Variants in FARP1 observed in about 807,000 individuals in gnomAD.
The protein encoded by FARP1 is FERM, ARHGEF and pleckstrin domain-containing protein 1.
A neutral mutation model predicts 128.8 loss-of-function variants in FARP1; 52 were observed. That is an observed-to-expected ratio of 0.40 (90% confidence interval 0.32 to 0.51). FARP1 has a LOEUF of 0.51. FARP1 is among the 20% of genes least tolerant of loss of function. The pLI is 0.45. For synonymous variants in FARP1, 580 were observed against 551.8 expected, an observed-to-expected ratio of 1.05 and a Z score of -0.72; for missense variants, 1,333 against 1,367.9, an observed-to-expected ratio of 0.97 and a Z score of 0.40.
At chr13:98,326,325 T>G (rs1429918987) in intron 2 of FARP1, among the ~76,000 whole-genome samples, 1 of 152,232 alleles carries the variant, frequency 6.6e-6, no homozygotes, top group African/African-American at 2.4e-5. Flanking sequence ...AAAACCCACC[T>G]ACATAAAATT....
At chr13:98,292,428 C>G (rs1190230277) in intron 2 of FARP1, among the ~76,000 whole-genome samples, 1 of 152,152 alleles carries the variant, frequency 6.6e-6, no homozygotes, top group Non-Finnish European at 1.5e-5. Flanking sequence ...ATGTATTTGT[C>G]AAAACACTTT....
intron 25 of FARP1, 150 bp from the exon 26 acceptor site, chr13:98,446,516 C>G (rs1257556296): frequency 3.9e-6 from 3 of 774,666 alleles, no homozygotes; most frequent in Non-Finnish European, 6.3e-6. Flanking sequence ...CACGTACAGG[C>G]AAACACTGGC....
In FARP1 at chr13:98,437,756, G is replaced by A. The variant is rs1175035963; in HGVS notation, c.2275-1048G>A. On this transcript the variant is annotated intron_variant, in intron 19 of 26. Transcript: ENST00000319562. Reference sequence around the variant, plus strand: ...CGCTTTGTCTTTTTGCTTTCTCTCGGTCCCACCAGCCTGGCTCCTTTTCCC... The same window carrying A: ...CGCTTTGTCTTTTTGCTTTCTCTCGATCCCACCAGCCTGGCTCCTTTTCCC... 4 of 1,359,246 alleles carry A rather than the reference G, an allele frequency of 2.9e-6. No individual in the cohort carries two copies. The African/African-American group carries it at 5.7e-5, about 19-fold the overall frequency. 84.2% of individuals were successfully genotyped at this position (1,359,246 alleles called of 1,614,324 possible). A position where few individuals can be genotyped will look rare whatever the true frequency, so the allele number is the denominator to read the frequency against.
rs1175721832 is a variant in FARP1 at position 98,449,007 on chromosome 13, T to TTTC, written c.*692_*694dup. On this transcript the variant is annotated 3_prime_UTR_variant, in exon 27 of 27. Transcript: ENST00000319562. Reference sequence around the variant, plus strand: ...CTCTTTCCAACCGTAGCAGGGTTGTTTTCTGTTAAGCAAAGCCGAGATCCA... The same window carrying TTTC: ...CTCTTTCCAACCGTAGCAGGGTTGTTTTCTTCTGTTAAGCAAAGCCGAGATCCA... The TTTC allele has an allele frequency of 6.6e-6, 1 of 152,240 alleles. No homozygotes were observed. The highest frequency in any genetic ancestry group is 1.5e-5 in the Non-Finnish European group (1 of 68,064). 9.4% of individuals were successfully genotyped at this position (152,240 alleles called of 1,614,324 possible). A position where few individuals can be genotyped will look rare whatever the true frequency, so the allele number is the denominator to read the frequency against.
At chr13:98,420,545 C>T (rs1891555946) in intron 16 of FARP1, among the ~76,000 whole-genome samples, 1 of 152,296 alleles carries the variant, frequency 6.6e-6, no homozygotes, top group East Asian at 1.9e-4. Context: ...GCGTCCTTTG[C>T]TGAGGTGATG....
At chr13:98,330,079 A>G (rs922086603) in intron 2 of FARP1, 4 of 152,320 alleles carry the variant, frequency 2.6e-5, no homozygotes, top group African/African-American at 9.7e-5. Flanking sequence ...GAGGTGAGGG[A>G]ATTAGCCACA....
rs372356241 is a variant in FARP1 at position 98,336,893 on chromosome 13, G to A, written c.172-6869G>A. On this transcript the variant is annotated intron_variant, in intron 2 of 26. Coordinates refer to ENST00000319562, the MANE Select transcript of FARP1 (RefSeq NM_005766.4). The stretch of plus-strand genomic sequence containing the variant: ...CAAAAATTTCATTACATAGTTTCAC[G>A]AATTGCTGGTTTGTTATTCCAAAAT... Among the ~76,000 whole-genome samples, 16 of 152,298 alleles carry A rather than the reference G, an allele frequency of 1.1e-4. No homozygotes were observed. The South Asian group carries it at 1.2e-3, about 12-fold the overall frequency.
intron 2 of FARP1, among the ~76,000 whole-genome samples, chr13:98,315,325 C>T (rs774206469): frequency 7.2e-5 from 11 of 152,022 alleles, no homozygotes; most frequent in African/African-American, 2.4e-4. Flanking sequence ...CAAGCTGTCT[C>T]GAACTCCTGG....
chr13:98,346,249 G>T (rs1237081986), intron 3 of FARP1, among the ~76,000 whole-genome samples: 1 of 144,902 alleles, frequency 6.9e-6, no homozygotes, highest in Non-Finnish European at 1.5e-5. Flanking sequence ...GAGTGCAGTG[G>T]TGCGAGCTTG....
intron 2 of FARP1, among the ~76,000 whole-genome samples, chr13:98,251,573 C>A (rs1220897776): frequency 1.3e-5 from 2 of 151,502 alleles, no homozygotes; most frequent in African/African-American, 4.9e-5. Context: ...ATCCCAGCTA[C>A]TTGGGAGGCT....
chr13:98,172,123 G>C (rs1877696514), intron 1 of FARP1, among the ~76,000 whole-genome samples: 1 of 152,102 alleles, frequency 6.6e-6, no homozygotes, highest in Non-Finnish European at 1.5e-5. Context: ...GTGCTCTGCT[G>C]TTTGTTGGGC....
intron 2 of FARP1, chr13:98,244,450 G>A (rs750660547): frequency 7.1e-6 from 11 of 1,558,562 alleles, no homozygotes; most frequent in South Asian, 4.7e-5. Flanking sequence ...AACAAAAAGC[G>A]CCTTTTCAAG....
At chr13:98,325,488 G>A (rs940438503) in intron 2 of FARP1, among the ~76,000 whole-genome samples, 1 of 152,172 alleles carries the variant, frequency 6.6e-6, no homozygotes, top group Non-Finnish European at 1.5e-5. Context: ...CATCTCACCA[G>A]CACTGTTCCA....
At chr13:98,411,372 C>T (rs540234715) in intron 15 of FARP1, among the ~76,000 whole-genome samples, 2 of 152,278 alleles carry the variant, frequency 1.3e-5, no homozygotes, top group East Asian at 3.9e-4. Flanking sequence ...AGTTTCTGAT[C>T]CTCTGGGCTG....
At chr13:98,243,633 G>A (rs370226041) in intron 2 of FARP1, among the ~76,000 whole-genome samples, 3 of 146,738 alleles carry the variant, frequency 2.0e-5, no homozygotes, top group East Asian at 4.0e-4. Context: ...GGAGGCGGAG[G>A]TTGCAGTGAG....
intron 1 of FARP1, among the ~76,000 whole-genome samples, chr13:98,171,509 T>A (rs1877650918): frequency 6.6e-6 from 1 of 152,218 alleles, no homozygotes; most frequent in Non-Finnish European, 1.5e-5. Context: ...TTATCTGCTC[T>A]TGTTCCTGCT....
chr13:98,175,718 C>T lies in FARP1; in HGVS notation c.-24+32226C>T, dbSNP rs1267202763. 8 of 164,348 alleles carry T rather than the reference C, an allele frequency of 4.9e-5. No homozygotes were observed. The South Asian group carries it at 8.7e-4, about 18-fold the overall frequency. The allele number at this position is 164,348 out of a possible 1,614,324, so 10.2% of individuals were successfully genotyped here. A position where few individuals can be genotyped will look rare whatever the true frequency, so the allele number is the denominator to read the frequency against. On this transcript the variant is annotated intron_variant, in intron 1 of 26. Transcript: ENST00000319562. The stretch of plus-strand genomic sequence containing the variant: ...TTCCTAACCCCTGACAACCACCATT[C>T]GACTTTTTATGTAATTTTGACAACT...
In FARP1 at chr13:98,436,451, C is replaced by T. The variant is rs552055972; in HGVS notation, c.2274+745C>T. On this transcript the variant is annotated intron_variant, in intron 19 of 26. Coordinates refer to ENST00000319562, the MANE Select transcript of FARP1 (RefSeq NM_005766.4). ...TCTCTGGGATCTTTACCCTGTGGCG[C>T]CCCCATTTCAAATGCTACGTCACCC... Among the ~76,000 whole-genome samples the T allele has an allele frequency of 5.3e-5, 8 of 152,320 alleles. No homozygotes were observed. The South Asian group carries it at 6.2e-4, about 12-fold the overall frequency.
chr13:98,218,277 T>C (rs1209944421), intron 2 of FARP1, among the ~76,000 whole-genome samples: 1 of 152,122 alleles, frequency 6.6e-6, no homozygotes, highest in Non-Finnish European at 1.5e-5. Flanking sequence ...GCCAGCCTTC[T>C]CTCCTGACAG....
Sources: allele counts gnomAD v4.1 joint callset (sites outside exome capture counted in the v4.1 genomes callset), GRCh38; gene constraint gnomAD v4.1.1; transcripts MANE v1.5; gene names NCBI Gene and HGNC (gene_info 2026-07-23, HGNC 2026-07-21).